The following UNC13C variants were observed in gnomAD, a reference collection of about 807,000 sequenced individuals.
The protein encoded by UNC13C is unc-13 homolog C.
Under a neutral mutation model 245.4 loss-of-function variants are expected in UNC13C, and 174 were observed. The observed-to-expected ratio is 0.71, with a 90% CI of 0.63 to 0.80. The LOEUF (loss-of-function observed/expected upper bound fraction) is 0.80, where lower values mean the gene tolerates loss of function less well. Among genes scored for constraint, UNC13C ranks in the 30% least tolerant of loss-of-function variants. The pLI, the probability that UNC13C is intolerant of heterozygous loss-of-function variation, is 0.00. For missense variants in UNC13C, 2,829 were observed against 2,602.9 expected (o/e 1.09, Z -1.89); for synonymous variants, 992 against 895.1 (o/e 1.11, Z -1.93).
chr15:54,317,437 T>C (rs1225433092), intron 13 of UNC13C, among the ~76,000 whole-genome samples: 1 of 151,916 alleles, frequency 6.6e-6, no homozygotes, highest in African/African-American at 2.4e-5. Context: ...TCTTAGGGTA[T>C]TTTTATCATC....
At chr15:54,035,071 G>GT (rs145203841) in intron 2 of UNC13C, among the ~76,000 whole-genome samples, 41 of 150,646 alleles carry the variant, frequency 2.7e-4, no homozygotes, top group African/African-American at 8.0e-4. Context: ...TTCTTCCATT[G>GT]TTTTTTTTTA....
At chr15:54,422,919 T>C (rs956071462) in intron 19 of UNC13C, among the ~76,000 whole-genome samples, 3 of 149,070 alleles carry the variant, frequency 2.0e-5, no homozygotes, top group Non-Finnish European at 4.5e-5. Context: ...TTGGTCACAA[T>C]CCAAAGCAAA....
At chr15:54,377,818 G>T (rs1211432558) in intron 17 of UNC13C, among the ~76,000 whole-genome samples, 1 of 152,122 alleles carries the variant, frequency 6.6e-6, no homozygotes, top group Admixed American at 6.5e-5. Flanking sequence ...CTTCCCAAAG[G>T]CCTCACCTCT....
chr15:54,008,552 T>A (rs1895243468), intron 1 of UNC13C, among the ~76,000 whole-genome samples: 1 of 152,210 alleles, frequency 6.6e-6, no homozygotes, highest in Non-Finnish European at 1.5e-5. Context: ...GAAGACAATG[T>A]GTAGTTATTT....
intron 2 of UNC13C, among the ~76,000 whole-genome samples, chr15:54,098,688 T>C (rs2141150680): frequency 6.6e-6 from 1 of 152,354 alleles, no homozygotes; most frequent in East Asian, 1.9e-4. Context: ...TAAGTTATAA[T>C]ACAGCTGATA....
At chr15:54,487,541 T>C (rs1596467242) in intron 19 of UNC13C, among the ~76,000 whole-genome samples, 2 of 151,456 alleles carry the variant, frequency 1.3e-5, no homozygotes, top group East Asian at 3.9e-4. Context: ...CTAAGGCGAG[T>C]GGATTACTTG....
chr15:54,463,124 T>C (rs1891947974), intron 19 of UNC13C, among the ~76,000 whole-genome samples: 1 of 151,538 alleles, frequency 6.6e-6, no homozygotes, highest in African/African-American at 2.4e-5. Flanking sequence ...TAAAGGATTG[T>C]AAATGCACCA....
chr15:54,169,842 C>A (rs2033321794), intron 4 of UNC13C, among the ~76,000 whole-genome samples: 1 of 152,144 alleles, frequency 6.6e-6, no homozygotes, highest in African/African-American at 2.4e-5. Context: ...CCCCACCACC[C>A]ACCTGTTCTG....
At chr15:54,442,225 G>A (rs1008978723) in intron 19 of UNC13C, among the ~76,000 whole-genome samples, 2 of 149,404 alleles carry the variant, frequency 1.3e-5, no homozygotes, top group African/African-American at 4.9e-5. Flanking sequence ...ATGAAATTAG[G>A]CATCTTTCAC....
Position 54,463,275 on chromosome 15 carries a change from G to A in UNC13C, c.4934-31333G>A, listed in dbSNP as rs1242198336. Among the ~76,000 whole-genome samples, 4 of 76,432 alleles carry A rather than the reference G, an allele frequency of 5.2e-5. 1 individual carries two copies. The highest frequency in any genetic ancestry group is 1.2e-4 in the Non-Finnish European group (4 of 34,014). The allele number at this position is 76,432 out of a possible 152,430, so 50.1% of individuals were successfully genotyped here. On this transcript the variant is annotated intron_variant, in intron 19 of 32. Transcript: ENST00000260323. ...TCAGTAGAATGTGGGCGGGGGGGGGGGGGGGGGCCGGTCAGGTAAGGGAAT... is the reference window on the plus strand; with the variant it reads ...TCAGTAGAATGTGGGCGGGGGGGGGAGGGGGGGCCGGTCAGGTAAGGGAAT...
chr15:54,479,828 G>A lies in UNC13C; in HGVS notation c.4934-14780G>A, dbSNP rs111891114. On this transcript the variant is annotated intron_variant, in intron 19 of 32. Coordinates refer to ENST00000260323, the MANE Select transcript of UNC13C (RefSeq NM_001080534.3). ...TATAGGGATTCCTTAAGCATTTCTTGTAAGGCCTGTGTAGTGGTGATGAAT... is the reference window on the plus strand; with the variant it reads ...TATAGGGATTCCTTAAGCATTTCTTATAAGGCCTGTGTAGTGGTGATGAAT... Among the ~76,000 whole-genome samples the A allele has an allele frequency of 4.5e-3, 685 of 151,860 alleles. 4 individuals carry two copies. Among genetic ancestry groups the A allele is most frequent in the Non-Finnish European group, 3.5e-3 (236 of 67,972 alleles).
In UNC13C at chr15:54,250,288, C is replaced by T. The variant is rs1016820402; in HGVS notation, c.3292C>T (p.His1098Tyr). Residue 1098 changes from histidine to tyrosine, a missense_variant, in exon 8 of 33, where the codon CAC becomes TAC. Transcript: ENST00000260323. ...CTACCCTATGTCTTCTACCATCCCACACAATTTTGAGGTCTGGACGGCTAC... is the reference window on the plus strand; with the variant it reads ...CTACCCTATGTCTTCTACCATCCCATACAATTTTGAGGTCTGGACGGCTAC... ...LIYPMSSTIPHNFEVWTATTP... is the reference protein window; with the variant it reads ...LIYPMSSTIPYNFEVWTATTP... 1 of 1,613,868 alleles carries T rather than the reference C, an allele frequency of 6.2e-7. No homozygotes were observed. Among genetic ancestry groups the T allele is most frequent in the Non-Finnish European group, 8.5e-7 (1 of 1,179,906 alleles).
intron 19 of UNC13C, among the ~76,000 whole-genome samples, chr15:54,449,928 T>A (rs1375868111): frequency 6.6e-6 from 1 of 152,210 alleles, no homozygotes; most frequent in East Asian, 1.9e-4. Flanking sequence ...TCTTTGATGA[T>A]GGTGACGTAC....
At chr15:54,294,748 A>C (rs2037386229) in intron 11 of UNC13C, among the ~76,000 whole-genome samples, 1 of 152,198 alleles carries the variant, frequency 6.6e-6, no homozygotes, top group Non-Finnish European at 1.5e-5. Context: ...TGTCTTAATC[A>C]TATCCTATAA....
chr15:54,325,585 G>C (rs191617158), intron 14 of UNC13C, among the ~76,000 whole-genome samples: 1 of 151,334 alleles, frequency 6.6e-6, no homozygotes, highest in Admixed American at 6.6e-5. Context: ...GACAGGCCCC[G>C]GTGTGTGATG....
the UNC13C span, among the ~76,000 whole-genome samples, chr15:53,843,722 G>A: frequency 1.3e-5 from 2 of 152,058 alleles, no homozygotes; most frequent in African/African-American, 4.8e-5. Flanking sequence ...AAACATGTAA[G>A]AAACATGTTA....
intron 23 of UNC13C, among the ~76,000 whole-genome samples, chr15:54,510,161 G>A (rs74922619): frequency 0.046 from 7,011 of 152,146 alleles, 578 homozygotes; most frequent in African/African-American, 0.16. Flanking sequence ...TTAGACATGG[G>A]AAACAAGGTG....
chr15:54,050,370 C>T (rs565754127), intron 2 of UNC13C: 3 of 559,448 alleles, frequency 5.4e-6, no homozygotes, highest in East Asian at 4.5e-5. Flanking sequence ...GAAGGCACTC[C>T]TCCTTTTTCT....
chr15:54,598,863 A>G (rs1402836276), intron 30 of UNC13C, among the ~76,000 whole-genome samples: 1 of 152,138 alleles, frequency 6.6e-6, no homozygotes, highest in African/African-American at 2.4e-5. Flanking sequence ...ACAAATACGT[A>G]TTTGACAAGA....
Sources: allele counts gnomAD v4.1 joint callset (sites outside exome capture counted in the v4.1 genomes callset), GRCh38; gene constraint gnomAD v4.1.1; transcripts MANE v1.5; gene names NCBI Gene and HGNC (gene_info 2026-07-23, HGNC 2026-07-21).